NACC2: variants seen among roughly 807,000 people sequenced by gnomAD.
The protein encoded by NACC2 is NACC family member 2.
NACC2 carries 8 observed loss-of-function variants against 25.1 expected under a neutral mutation model. That is an observed-to-expected ratio of 0.32 (90% confidence interval 0.19 to 0.57). The LOEUF is 0.57. Among genes scored for constraint, NACC2 ranks in the 20% least tolerant of loss-of-function variants. NACC2 has a pLI of 0.89. For synonymous variants in NACC2, 435 were observed against 294.7 expected (o/e 1.48, Z -4.88); for missense variants, 644 against 650.2 (o/e 0.99, Z 0.10).
At chr9:136,052,437 C>A (rs1459833661) in intron 1 of NACC2, among the ~76,000 whole-genome samples, 2 of 118,652 alleles carry the variant, frequency 1.7e-5, no homozygotes, top group Non-Finnish European at 3.4e-5. Flanking sequence ...GCAGAGGCGC[C>A]AGGGGGAGGG....
chr9:136,043,354 G>C lies in NACC2; in HGVS notation c.886+6282C>G, dbSNP rs1010718447. On this transcript the variant is annotated intron_variant, in intron 2 of 5. Coordinates refer to ENST00000277554, the MANE Select transcript of NACC2 (RefSeq NM_144653.5). ...ACGGCTTATTCAACCTGTGAAACGT[G>C]CTCAGCGTTACTGACCATCAGGGAA... 3.3e-5 allele frequency among the ~76,000 whole-genome samples: 5 copies of C among 152,318 alleles called. 1 individual carries two copies. Among genetic ancestry groups the C allele is most frequent in the Admixed American group, 3.3e-4 (5 of 15,298 alleles).
intron 2 of NACC2, among the ~76,000 whole-genome samples, chr9:136,026,426 T>C (rs1840390919): frequency 6.6e-6 from 1 of 150,844 alleles, no homozygotes; most frequent in Non-Finnish European, 1.5e-5. Context: ...ACATAGGACT[T>C]GGGGAAAGCC....
At chr9:136,035,712 TAAA>T (rs35266940) in intron 2 of NACC2, among the ~76,000 whole-genome samples, 1 of 145,956 alleles carries the variant, frequency 6.9e-6, no homozygotes. Context: ...CCTTGTTTGT[TAAA>T]AAAAAAAAAA....
chr9:136,006,680 C>G lies in NACC2; in HGVS notation c.*4836G>C, dbSNP rs929477395. On this transcript the variant is annotated 3_prime_UTR_variant, in exon 6 of 6. Coordinates refer to ENST00000277554, the MANE Select transcript of NACC2 (RefSeq NM_144653.5). ...GCTTGAAGCCCTCGGTTTCCCTGTT[C>G]GCTTTTGAATGTTTCAGTTTTAGTT... is the stretch of plus-strand genomic sequence containing the variant. 7 of 152,206 alleles carry G rather than the reference C, an allele frequency of 4.6e-5. No individual in the cohort carries two copies. The highest frequency in any genetic ancestry group is 2.4e-5 in the African/African-American group (1 of 41,442). The allele number at this position is 152,206 out of a possible 1,614,324, so 9.4% of individuals were successfully genotyped here.
chr9:136,051,038 G>A lies in NACC2; in HGVS notation c.-59-458C>T, dbSNP rs35596574. On this transcript the variant is annotated intron_variant, in intron 1 of 5. Transcript: ENST00000277554. ...CCGCGCTGGAGCAGCGGGGAAGGAG[G>A]GAGGGAGGGGGGTCTCTGGAGCTGT... Among the ~76,000 whole-genome samples, 1,105 of 152,348 alleles carry A rather than the reference G, an allele frequency of 7.3e-3. 10 individuals carry two copies. Among genetic ancestry groups the A allele is most frequent in the Non-Finnish European group, 0.012 (811 of 68,022 alleles).
Position 136,018,816 on chromosome 9 carries a change from C to T in NACC2, c.887-2387G>A, listed in dbSNP as rs559085228. On this transcript the variant is annotated intron_variant, in intron 2 of 5. Coordinates refer to ENST00000277554, the MANE Select transcript of NACC2 (RefSeq NM_144653.5). This position sits in a 1 kb window ranked among gnomAD's most constrained non-coding sequence, Gnocchi z 4.4. ...AAACATAATTACACACCCCCACCCC[C>T]GGTGCAGCCTGCTGTGATTACACAC... 3.3e-5 allele frequency among the ~76,000 whole-genome samples: 5 copies of T among 152,302 alleles called. No homozygotes were observed. The highest frequency in any genetic ancestry group is 2.6e-4 in the Admixed American group (4 of 15,300).
intron 2 of NACC2, among the ~76,000 whole-genome samples, chr9:136,034,621 G>A (rs1315817778): frequency 6.6e-6 from 1 of 151,446 alleles, no homozygotes; most frequent in East Asian, 1.9e-4. Flanking sequence ...TCTAGGATGC[G>A]CCTGGAATGT....
rs2131126606 is a variant in NACC2 at position 136,008,160 on chromosome 9, A to G, written c.*3356T>C. The G allele has an allele frequency of 6.6e-6, 1 of 152,438 alleles. No homozygotes were observed. The highest frequency in any genetic ancestry group is 3.4e-3 in the Middle Eastern group (1 of 296). The allele number at this position is 152,438 out of a possible 1,614,324, so 9.4% of individuals were successfully genotyped here. A position where few individuals can be genotyped will look rare whatever the true frequency, so the allele number is the denominator to read the frequency against. ...CCAATGCAAAGTTAAGTGACGACAG[A>G]GAACTCGGGTGGACAGACACAATGC... On this transcript the variant is annotated 3_prime_UTR_variant, in exon 6 of 6. Transcript: ENST00000277554.
intron 1 of NACC2, among the ~76,000 whole-genome samples, chr9:136,070,834 G>T (rs994397150): frequency 2.0e-5 from 3 of 151,796 alleles, no homozygotes; most frequent in African/African-American, 4.9e-5. Flanking sequence ...CATCTAGCAA[G>T]ACTGACAAGA....
chr9:136,023,451 C>G (rs924421951), intron 2 of NACC2, among the ~76,000 whole-genome samples: 9 of 152,112 alleles, frequency 5.9e-5, no homozygotes, highest in Non-Finnish European at 1.3e-4. Context: ...TGCCCTGCCC[C>G]ACCCACACTC....
At chr9:136,016,143 A>G (rs1430385171) in intron 3 of NACC2, 122 bp downstream of exon 3, 1 of 1,115,912 alleles carries the variant, frequency 9.0e-7, no homozygotes, top group Non-Finnish European at 1.3e-6. Context: ...AAATTAGAGG[A>G]AATTTAAGAT....
At chr9:136,059,562 C>T (rs1391100897) in intron 1 of NACC2, among the ~76,000 whole-genome samples, 1 of 152,210 alleles carries the variant, frequency 6.6e-6, no homozygotes, top group Non-Finnish European at 1.5e-5. Context: ...GTCGGCTAGA[C>T]GTTAAACAAA....
Position 136,013,959 on chromosome 9 carries a change from G to A in NACC2, c.1062C>T (p.Val354=), listed in dbSNP as rs1466797666. 1 of 1,570,022 alleles carries A rather than the reference G, an allele frequency of 6.4e-7. No individual in the cohort carries two copies. Among genetic ancestry groups the A allele is most frequent in the East Asian group, 2.4e-5 (1 of 41,288 alleles). ...EKLELVAGSG[V]YITRGQLMNC... is the part of the protein sequence containing the mutation. ...TCATCAGCTGGCCGCGTGTGATGTA[G>A]ACCCCAGAGCCTGCAGCCACCAAAC... Residue 354 remains valine (V), a synonymous_variant, in exon 4 of 6, where the codon GTC becomes GTT. Transcript: ENST00000277554. The surrounding 1 kb of genome is among the most constrained non-coding windows in gnomAD (Gnocchi z 6.6).
chr9:136,058,729 A>G (rs940091614), intron 1 of NACC2, among the ~76,000 whole-genome samples: 7 of 152,244 alleles, frequency 4.6e-5, no homozygotes, highest in African/African-American at 1.7e-4. Context: ...TGAATCGAAA[A>G]TAAAAGTTGA....
chr9:136,028,481 T>C (rs1442340806), intron 2 of NACC2, among the ~76,000 whole-genome samples: 1 of 151,048 alleles, frequency 6.6e-6, no homozygotes, highest in Non-Finnish European at 1.5e-5. Context: ...GTTCAAGCAA[T>C]TTTTCTGCCT....
chr9:136,038,741 T>C (rs943168342), intron 2 of NACC2, among the ~76,000 whole-genome samples: 2 of 152,170 alleles, frequency 1.3e-5, no homozygotes, highest in African/African-American at 2.4e-5. Context: ...CATGAGAATA[T>C]ACCATTTTAA....
At chr9:136,074,509 T>C (rs1482628487) in intron 1 of NACC2, among the ~76,000 whole-genome samples, 7 of 136,478 alleles carry the variant, frequency 5.1e-5, no homozygotes, top group African/African-American at 1.9e-4. Context: ...CCAGAAACAT[T>C]AAGGTTCTTT....
intron 1 of NACC2, among the ~76,000 whole-genome samples, chr9:136,075,302 G>A (rs1483192634): frequency 2.0e-5 from 3 of 152,238 alleles, no homozygotes; most frequent in East Asian, 1.9e-4. Flanking sequence ...AGCTGGCTGC[G>A]GCCGCCTGGC....
chr9:136,074,321 T>C (rs13302701), intron 1 of NACC2, among the ~76,000 whole-genome samples: 4 of 144,082 alleles, frequency 2.8e-5, no homozygotes, highest in African/African-American at 7.7e-5. Flanking sequence ...GGCATGGTGG[T>C]GGGCGCCTGT....
Sources: gnomAD v4.1 joint callset for allele counts (sites outside exome capture counted in the v4.1 genomes callset) on GRCh38, gnomAD v4.1.1 for gene constraint, Gnocchi (gnomAD v3.1) non-coding constraint, MANE v1.5 for transcripts, NCBI Gene and HGNC (gene_info 2026-07-23, HGNC 2026-07-21) for gene names.